Variants in ZFAT observed in about 807,000 individuals in gnomAD.
ZFAT encodes zinc finger and AT-hook domain containing.
Under a neutral mutation model 117.7 loss-of-function variants are expected in ZFAT, and 64 were observed. The ratio of observed to expected loss-of-function variants is 0.54; its 90% CI spans 0.44 to 0.67. ZFAT has a LOEUF of 0.67. ZFAT is among the 30% of genes least tolerant of loss of function. The pLI is 0.00. For synonymous variants in ZFAT, 679 were observed against 615.0 expected (o/e 1.10, Z -1.54); for missense variants, 1,433 against 1,584.5 (o/e 0.90, Z 1.62).
At chr8:134,761,218 A>G in the ZFAT span, among the ~76,000 whole-genome samples, 1 of 152,186 alleles carries the variant, frequency 6.6e-6, no homozygotes, top group East Asian at 1.9e-4. Flanking sequence ...TGAGCACTGC[A>G]TGAGGCACTG....
chr8:134,831,105 T>C, the ZFAT span, among the ~76,000 whole-genome samples: 6 of 152,224 alleles, frequency 3.9e-5, no homozygotes, highest in Admixed American at 6.5e-5. Context: ...CCAAAGCTTA[T>C]TACAAAAAGA....
chr8:134,638,431 C>T lies in ZFAT; in HGVS notation c.197-719G>A, dbSNP rs571598135. 3.0e-3 allele frequency among the ~76,000 whole-genome samples: 463 copies of T among 151,812 alleles called. 1 individual carries two copies. The highest frequency in any genetic ancestry group is 0.011 in the African/African-American group (445 of 41,340). On this transcript the variant is annotated intron_variant, in intron 2 of 15. Coordinates refer to ENST00000377838, the MANE Select transcript of ZFAT (RefSeq NM_020863.4). Reference sequence around the variant, plus strand: ...TTAAGAGGGGTGAGCGGGGGCCAGGCGCGGTGGCTCACGCCTGTAATCCCA... The same window carrying T: ...TTAAGAGGGGTGAGCGGGGGCCAGGTGCGGTGGCTCACGCCTGTAATCCCA...
At chr8:134,807,917 A>C in the ZFAT span, among the ~76,000 whole-genome samples, 1 of 152,198 alleles carries the variant, frequency 6.6e-6, no homozygotes, top group Non-Finnish European at 1.5e-5. Flanking sequence ...TTAGGACAGA[A>C]AGATGAAAAG....
At chr8:134,604,779 A>G (rs1483186560) in intron 5 of ZFAT, among the ~76,000 whole-genome samples, 1 of 152,238 alleles carries the variant, frequency 6.6e-6, no homozygotes, top group Non-Finnish European at 1.5e-5. Flanking sequence ...TGATGTAATT[A>G]CAATATTTAA....
chr8:134,687,835 G>A (rs190342644), intron 1 of ZFAT, among the ~76,000 whole-genome samples: 1 of 152,254 alleles, frequency 6.6e-6, no homozygotes, highest in African/African-American at 2.4e-5. Flanking sequence ...CCGCACATCC[G>A]GGTTGACAGC....
chr8:134,514,567 C>G (rs1183529434), intron 13 of ZFAT, among the ~76,000 whole-genome samples: 1 of 152,170 alleles, frequency 6.6e-6, no homozygotes, highest in Non-Finnish European at 1.5e-5. Flanking sequence ...CTTCTGAGCT[C>G]TCAGGGATTA....
At chr8:134,773,095 A>C in the ZFAT span, among the ~76,000 whole-genome samples, 3 of 20,652 alleles carry the variant, frequency 1.5e-4, no homozygotes, top group African/African-American at 5.0e-4. Flanking sequence ...TCCCAATTCA[A>C]AAAAAAAAAA....
At chr8:134,798,067 A>G in the ZFAT span, 2 of 151,972 alleles carry the variant, frequency 1.3e-5, no homozygotes, top group African/African-American at 4.8e-5. Flanking sequence ...GATTCCCCCC[A>G]TCTTGACTGA....
chr8:134,676,255 C>CAAAAAAA (rs146638821), intron 1 of ZFAT, among the ~76,000 whole-genome samples: 3 of 80,596 alleles, frequency 3.7e-5, no homozygotes, highest in African/African-American at 5.0e-5. Flanking sequence ...AAATGGAAAG[C>CAAAAAAA]AAAAAAAAAA....
chr8:134,685,843 ACT>A, intron 1 of ZFAT, among the ~76,000 whole-genome samples: 1 of 152,296 alleles, frequency 6.6e-6, no homozygotes, highest in East Asian at 1.9e-4. Flanking sequence ...TGATTGCCTA[ACT>A]CTTGGCTGGT....
intron 14 of ZFAT, among the ~76,000 whole-genome samples, chr8:134,511,423 G>A (rs559582516): frequency 1.3e-5 from 2 of 152,320 alleles, no homozygotes; most frequent in East Asian, 3.9e-4. Flanking sequence ...CTGCAGAAGT[G>A]GAGGCACTGC....
intron 1 of ZFAT, among the ~76,000 whole-genome samples, chr8:134,691,812 A>G (rs992903039): frequency 6.6e-6 from 1 of 152,262 alleles, no homozygotes; most frequent in Non-Finnish European, 1.5e-5. Flanking sequence ...AATTCAAAAT[A>G]TAGTAAAGTG....
intron 14 of ZFAT, chr8:134,510,581 G>GACCACCGA: frequency 1.2e-5 from 2 of 165,932 alleles, no homozygotes; most frequent in Admixed American, 5.9e-5. Flanking sequence ...AGGCAGTGGC[G>GACCACCGA]GACTTATATT....
At chr8:134,658,304 T>G (rs1012359511) in intron 1 of ZFAT, among the ~76,000 whole-genome samples, 6 of 135,886 alleles carry the variant, frequency 4.4e-5, no homozygotes. Context: ...GCCACTGCAC[T>G]CCAGCCTGGG....
Position 134,565,364 on chromosome 8 carries a change from A to G in ZFAT, c.2945T>C (p.Leu982Pro). The change falls in exon 11 of 16, where the codon CTG (leucine) becomes CCG (proline). Residue 982 changes from leucine (L) to proline (P), a missense_variant. Around this residue, in one of 5 missense-constraint regions of ZFAT, gnomAD observed 503 missense variants for 543.4 expected, o/e 0.93. Transcript: ENST00000377838. ...DYTAAQKPQLLRHMEQHVSFK... is the reference protein window; with the variant it reads ...DYTAAQKPQLPRHMEQHVSFK... ...GGAGACATGCTGTTCCATGTGCCGC[A>G]GCAGCTGTGGCTTCTGGGCCGCTGT... 1 of 1,613,948 alleles carries G rather than the reference A, an allele frequency of 6.2e-7. No individual in the cohort carries two copies. Among genetic ancestry groups the G allele is most frequent in the Non-Finnish European group, 8.5e-7 (1 of 1,179,878 alleles).
chr8:134,684,944 T>A (rs1833247509), intron 1 of ZFAT, among the ~76,000 whole-genome samples: 1 of 152,138 alleles, frequency 6.6e-6, no homozygotes, highest in Admixed American at 6.5e-5. Flanking sequence ...AGAGCTGGTG[T>A]TCTAGGAGTT....
rs1563753231 is a variant in ZFAT at position 134,478,691 on chromosome 8, T to C, written c.3523A>G (p.Thr1175Ala). 6.3e-7 allele frequency: 1 copy of C among 1,577,008 alleles called. No homozygotes were observed. The highest frequency in any genetic ancestry group is 2.4e-5 in the East Asian group (1 of 42,544). Residue 1175 changes from threonine (T) to alanine (A), a missense_variant, in exon 16 of 16, where the codon ACG becomes GCG. Physicochemically the swap from Thr to Ala is moderately conservative, Grantham distance 58 (BLOSUM62 0). Coordinates refer to ENST00000377838, the MANE Select transcript of ZFAT (RefSeq NM_020863.4). The surrounding 1 kb of genome is among the most constrained non-coding windows in gnomAD (Gnocchi z 5.2). ...TGGACCGTCTCCTGGATCATGACCG[T>C]GTGGTTGGAGCTGGGCTCCTCCTCG... ...VTEEEPSSNHTVMIQETVQQA... is the reference protein window; with the variant it reads ...VTEEEPSSNHAVMIQETVQQA...
rs763381518 is a variant in ZFAT, at chr8:134,555,317, C to G, written c.2976+10016G>C. The stretch of plus-strand genomic sequence containing the variant: ...CCTCTGCCTAGCATGTACCAAAATT[C>G]CATACTCCCAGAAATAAAGGCAGGT... On this transcript the variant is annotated intron_variant, in intron 11 of 15. Coordinates refer to ENST00000377838, the MANE Select transcript of ZFAT (RefSeq NM_020863.4). Among the ~76,000 whole-genome samples, 18 of 152,274 alleles carry G rather than the reference C, an allele frequency of 1.2e-4. No individual in the cohort carries two copies. The South Asian group carries it at 1.7e-3, about 14-fold the overall frequency.
chr8:134,772,268 G>C, the ZFAT span, among the ~76,000 whole-genome samples: 3 of 152,172 alleles, frequency 2.0e-5, no homozygotes, highest in Admixed American at 2.0e-4. Context: ...GCTAAGACAG[G>C]CCTAAGGCTA....
Sources: gnomAD v4.1 joint callset for allele counts (sites outside exome capture counted in the v4.1 genomes callset) on GRCh38, gnomAD v4.1.1 for gene constraint, gnomAD v4.1.1 regional missense constraint, Gnocchi (gnomAD v3.1) non-coding constraint, MANE v1.5 for transcripts, NCBI Gene and HGNC (gene_info 2026-07-23, HGNC 2026-07-21) for gene names.